NEK11: variants seen among roughly 807,000 people sequenced by gnomAD.
NEK11 encodes NIMA related kinase 11.
NEK11 carries 72 observed loss-of-function variants against 80.7 expected under a neutral mutation model. The ratio of observed to expected loss-of-function variants is 0.89; its 90% CI spans 0.74 to 1.08. The LOEUF (loss-of-function observed/expected upper bound fraction) is 1.08, where lower values mean the gene tolerates loss of function less well. Among genes scored for constraint, NEK11 ranks in the 50% least tolerant of loss-of-function variants. NEK11 has a pLI of 0.00. For missense variants in NEK11, 764 were observed against 763.6 expected, an observed-to-expected ratio of 1.00 and a Z score of -0.01; for synonymous variants, 251 against 260.7, an observed-to-expected ratio of 0.96 and a Z score of 0.36.
chr3:131,340,730 G>A lies in NEK11; in HGVS notation c.1719-8827G>A, dbSNP rs773763593. Among the ~76,000 whole-genome samples the A allele has an allele frequency of 8.5e-5, 13 of 152,186 alleles. No homozygotes were observed. The South Asian group carries it at 2.3e-3, about 27-fold the overall frequency. On this transcript the variant is annotated intron_variant, in intron 17 of 17. Coordinates refer to ENST00000383366, the MANE Select transcript of NEK11 (RefSeq NM_024800.5). The stretch of plus-strand genomic sequence containing the variant: ...TCAAGGGACCATTATCCAGCCCAAC[G>A]AGCACTGTCCTGAGAGTCCTGAAAC...
intron 17 of NEK11, 146 bp from the exon 18 acceptor site, chr3:131,349,410 AG>A (rs1275814321): frequency 1.3e-5 from 8 of 634,334 alleles, no homozygotes; most frequent in Non-Finnish European, 2.2e-5. Context: ...TTAAATGTTT[AG>A]GGTGGAGATA....
chr3:131,312,254 G>A (rs542790282), intron 17 of NEK11, among the ~76,000 whole-genome samples: 1 of 152,122 alleles, frequency 6.6e-6, no homozygotes, highest in Non-Finnish European at 1.5e-5. Flanking sequence ...CCTCTTCAAG[G>A]TTTAATTTAG....
intron 16 of NEK11, among the ~76,000 whole-genome samples, chr3:131,251,011 T>G (rs1472917270): frequency 3.3e-5 from 5 of 151,870 alleles, no homozygotes; most frequent in South Asian, 2.1e-4. Flanking sequence ...ATTGGAAAGA[T>G]GGAGGGAAGA....
intron 14 of NEK11, among the ~76,000 whole-genome samples, chr3:131,180,470 T>C (rs1024045527): frequency 4.6e-5 from 7 of 152,226 alleles, no homozygotes; most frequent in Non-Finnish European, 8.8e-5. Flanking sequence ...TAAAATAGGC[T>C]TATTTCTTCA....
chr3:131,110,787 A>G (rs1560451209), intron 5 of NEK11, among the ~76,000 whole-genome samples: 1 of 152,144 alleles, frequency 6.6e-6, no homozygotes, highest in Non-Finnish European at 1.5e-5. Flanking sequence ...TGTCATCTGT[A>G]CTTTCTGACA....
intron 5 of NEK11, among the ~76,000 whole-genome samples, chr3:131,116,597 G>A (rs2081276834): frequency 6.6e-6 from 1 of 152,180 alleles, no homozygotes; most frequent in Non-Finnish European, 1.5e-5. Flanking sequence ...CACCAACAGT[G>A]TAAAAGTGTT....
In NEK11 at chr3:131,273,450, TCAATAAGG is replaced by T; in HGVS notation, c.1622-27_1622-20del. On this transcript the variant is annotated intron_variant, in intron 16 of 17. Coordinates refer to ENST00000383366, the MANE Select transcript of NEK11 (RefSeq NM_024800.5). ...TGAAGTTGCAGGATTGCTGATGAAG[TCAATAAGG>T]GCTGTGCATTGATTTTCAGACACAA... 1 of 1,578,308 alleles carries T rather than the reference TCAATAAGG, an allele frequency of 6.3e-7. No individual in the cohort carries two copies. The highest frequency in any genetic ancestry group is 8.7e-7 in the Non-Finnish European group (1 of 1,147,988).
chr3:131,099,179 T>C (rs938460366), intron 4 of NEK11, among the ~76,000 whole-genome samples: 3 of 152,214 alleles, frequency 2.0e-5, no homozygotes, highest in Non-Finnish European at 2.9e-5. Flanking sequence ...CCAGTTTCAG[T>C]CTTCTGCATA....
intron 3 of NEK11, among the ~76,000 whole-genome samples, chr3:131,041,730 G>A (rs974354295): frequency 6.6e-6 from 1 of 152,060 alleles, no homozygotes; most frequent in African/African-American, 2.4e-5. Context: ...AACTATACTT[G>A]GACATGAACT....
intron 14 of NEK11, among the ~76,000 whole-genome samples, chr3:131,210,316 G>C (rs530023219): frequency 9.2e-5 from 14 of 152,322 alleles, no homozygotes; most frequent in South Asian, 6.2e-4. Context: ...GTTCTAGTTT[G>C]ATTGCACTGT....
At chr3:131,249,295 G>T (rs1227890512) in intron 16 of NEK11, among the ~76,000 whole-genome samples, 1 of 152,072 alleles carries the variant, frequency 6.6e-6, no homozygotes, top group Non-Finnish European at 1.5e-5. Flanking sequence ...TGTAGGCTAG[G>T]AGAAGCAAGG....
chr3:131,251,041 G>A (rs1272054076), intron 16 of NEK11, among the ~76,000 whole-genome samples: 1 of 151,898 alleles, frequency 6.6e-6, no homozygotes, highest in Non-Finnish European at 1.5e-5. Flanking sequence ...GTAAGTGTAT[G>A]TGTGCATCTG....
At position 131,165,478 on chromosome 3, in the gene NEK11, AG is replaced by A; in HGVS notation, c.1136del (p.Arg379AsnfsTer8). ...AAATAGCAAACGAATGCAAGAATTG[AG>A]ATCTCGGAACTTTCAGCAGCTGAGT... ...EENSKRMQEL[R>X]SRNFQQLSVD... On this transcript the variant is annotated frameshift_variant, in exon 12 of 18. Coordinates refer to ENST00000383366, the MANE Select transcript of NEK11 (RefSeq NM_024800.5). LOFTEE classifies it high-confidence loss of function. 1 of 1,613,152 alleles carries A rather than the reference AG, an allele frequency of 6.2e-7. No homozygotes were observed. Among genetic ancestry groups the A allele is most frequent in the Non-Finnish European group, 8.5e-7 (1 of 1,179,078 alleles).
intron 17 of NEK11, among the ~76,000 whole-genome samples, chr3:131,339,352 CAGTT>C: frequency 6.6e-6 from 1 of 152,292 alleles, no homozygotes; most frequent in African/African-American, 2.4e-5. Context: ...CCTTAGAAAT[CAGTT>C]AGTCTACATT....
At chr3:131,034,405 A>AT (rs893287873) in intron 3 of NEK11, among the ~76,000 whole-genome samples, 102 of 148,100 alleles carry the variant, frequency 6.9e-4, no homozygotes, top group African/African-American at 1.2e-3. Flanking sequence ...TACAATTTAA[A>AT]TTTTTTTTTT....
rs199764724 is a variant in NEK11 at position 131,243,399 on chromosome 3, T to C, written c.1561-37T>C. ...CATGTTATTAAGTATCCTTCTACCA[T>C]ACAGGGAAAATAAACATTTCTCCCT... is the stretch of plus-strand genomic sequence containing the variant. On this transcript the variant is annotated intron_variant, in intron 15 of 17. Coordinates refer to ENST00000383366, the MANE Select transcript of NEK11 (RefSeq NM_024800.5). The C allele has an allele frequency of 2.5e-5, 39 of 1,590,614 alleles. No individual in the cohort carries two copies. The Admixed American group carries it at 5.4e-4, about 22-fold the overall frequency.
At chr3:131,097,234 C>A (rs9681035) in intron 4 of NEK11, among the ~76,000 whole-genome samples, 4,107 of 151,250 alleles carry the variant, frequency 0.027, 194 homozygotes, top group African/African-American at 0.095. Flanking sequence ...ATTTATAGTC[C>A]TTTGGGTATA....
At chr3:131,143,868 C>G (rs1271714494) in intron 7 of NEK11, among the ~76,000 whole-genome samples, 1 of 152,008 alleles carries the variant, frequency 6.6e-6, no homozygotes, top group African/African-American at 2.4e-5. Context: ...AAAGCAAAAC[C>G]CACTACTCTT....
intron 15 of NEK11, 41 bp downstream of exon 15, chr3:131,228,729 G>C (rs2095267473): frequency 3.8e-6 from 6 of 1,567,782 alleles, no homozygotes; most frequent in Non-Finnish European, 2.6e-6. Flanking sequence ...AACTGTTCAA[G>C]GTACTGATTG....
Sources: gnomAD v4.1 joint callset for allele counts (sites outside exome capture counted in the v4.1 genomes callset) on GRCh38, gnomAD v4.1.1 for gene constraint, MANE v1.5 for transcripts, NCBI Gene and HGNC (gene_info 2026-07-23, HGNC 2026-07-21) for gene names.